Variants in CEP83 observed in about 807,000 individuals in gnomAD.
The protein encoded by CEP83 is centrosomal protein 83, also known as centrosomal protein of 83 kDa.
In CEP83, 70 loss-of-function variants were observed where a neutral mutation model predicts 101.9. The ratio of observed to expected loss-of-function variants is 0.69; its 90% confidence interval spans 0.57 to 0.84. CEP83 has a LOEUF of 0.84. Ranked by LOEUF, CEP83 falls within the 40% of genes least tolerant of loss-of-function variation. The pLI is 0.00. For synonymous variants in CEP83, 264 were observed against 267.9 expected, an observed-to-expected ratio of 0.99 and a Z score of 0.14; for missense variants, 715 against 787.2, an observed-to-expected ratio of 0.91 and a Z score of 1.10.
At chr12:94,411,244 AC>A (rs2137773476) in intron 4 of CEP83, among the ~76,000 whole-genome samples, 1 of 152,176 alleles carries the variant, frequency 6.6e-6, no homozygotes, top group Admixed American at 6.5e-5. Flanking sequence ...TGCTTTACAA[AC>A]CCATTTGTGT....
At chr12:94,356,278 A>G (rs1308227878) in intron 11 of CEP83, among the ~76,000 whole-genome samples, 1 of 152,230 alleles carries the variant, frequency 6.6e-6, no homozygotes, top group Non-Finnish European at 1.5e-5. Flanking sequence ...TCACACTGAT[A>G]ACAAGGAGGA....
At chr12:94,329,689 C>T (rs1351830708) in intron 14 of CEP83, among the ~76,000 whole-genome samples, 1 of 152,128 alleles carries the variant, frequency 6.6e-6, no homozygotes, top group Non-Finnish European at 1.5e-5. Context: ...AGGCTTCAAA[C>T]ACAGTGCAAA....
At chr12:94,333,947 A>T (rs763011886) in intron 12 of CEP83, among the ~76,000 whole-genome samples, 1 of 152,136 alleles carries the variant, frequency 6.6e-6, no homozygotes, top group Non-Finnish European at 1.5e-5. Flanking sequence ...GTGAGATGAG[A>T]AAAGGGAATC....
chr12:94,311,630 A>G (rs947488207), intron 15 of CEP83, among the ~76,000 whole-genome samples: 1 of 152,228 alleles, frequency 6.6e-6, no homozygotes, highest in African/African-American at 2.4e-5. Flanking sequence ...GGTGTCAGAA[A>G]TGTTGTGTTG....
intron 4 of CEP83, among the ~76,000 whole-genome samples, chr12:94,410,159 A>G (rs1343497434): frequency 6.6e-6 from 1 of 152,232 alleles, no homozygotes; most frequent in African/African-American, 2.4e-5. Flanking sequence ...CACGTCATTC[A>G]TTCAACAAAT....
At chr12:94,355,329 T>TAA (rs1177200429) in intron 11 of CEP83, among the ~76,000 whole-genome samples, 1 of 151,920 alleles carries the variant, frequency 6.6e-6, no homozygotes, top group Admixed American at 6.6e-5. Flanking sequence ...CCATCTCTAC[T>TAA]AAAAATACAA....
the CEP83 span, chr12:94,278,276 G>A: frequency 2.9e-6 from 1 of 349,728 alleles, no homozygotes; most frequent in Non-Finnish European, 5.7e-6. Flanking sequence ...TTACCAAGGT[G>A]CATTAGAATC....
rs34900007 is a variant in CEP83, at chr12:94,333,045, CA to C, written c.1577+436del. On this transcript the variant is annotated intron_variant, in intron 13 of 16. Coordinates refer to ENST00000397809, the MANE Select transcript of CEP83 (RefSeq NM_016122.3). ...GTCTACTAGTAACAAATTTTAAGAC[CA>C]AAAAAAAAAAAAAAAAAAACAAATA... is the stretch of plus-strand genomic sequence containing the variant. 5.6e-3 allele frequency among the ~76,000 whole-genome samples: 411 copies of C among 73,160 alleles called. 3 individuals carry two copies. The highest frequency in any genetic ancestry group is 0.024 in the Middle Eastern group (2 of 82). 48.0% of individuals were successfully genotyped at this position (73,160 alleles called of 152,430 possible).
intron 1 of CEP83, among the ~76,000 whole-genome samples, chr12:94,440,791 C>T (rs576834612): frequency 6.6e-6 from 1 of 152,202 alleles, no homozygotes; most frequent in South Asian, 2.1e-4. Flanking sequence ...TATACCAAGG[C>T]TATAGTTACC....
chr12:94,408,948 AC>A (rs1309135010), intron 4 of CEP83, among the ~76,000 whole-genome samples: 2 of 152,078 alleles, frequency 1.3e-5, no homozygotes, highest in African/African-American at 4.8e-5. Context: ...TATTATCATT[AC>A]CATTCACTAC....
chr12:94,291,972 A>G, the CEP83 span, among the ~76,000 whole-genome samples: 2 of 152,200 alleles, frequency 1.3e-5, no homozygotes, highest in Non-Finnish European at 2.9e-5. Context: ...TCATATCAAT[A>G]GGACCATACA....
At chr12:94,396,078 A>C (rs1271882593) in intron 6 of CEP83, among the ~76,000 whole-genome samples, 1 of 152,016 alleles carries the variant, frequency 6.6e-6, no homozygotes, top group East Asian at 1.9e-4. Context: ...ATTACCATTG[A>C]TTATTTCACT....
At chr12:94,296,408 G>A in the CEP83 span, among the ~76,000 whole-genome samples, 1 of 152,154 alleles carries the variant, frequency 6.6e-6, no homozygotes, top group African/African-American at 2.4e-5. Flanking sequence ...CAGTCCTCCT[G>A]CCTTGGCTTC....
chr12:94,432,861 A>C (rs1307608834), intron 2 of CEP83, among the ~76,000 whole-genome samples: 2 of 152,234 alleles, frequency 1.3e-5, no homozygotes, highest in Non-Finnish European at 2.9e-5. Flanking sequence ...TAAATATGTA[A>C]ACTATGTGCC....
chr12:94,265,757 G>C, the CEP83 span, among the ~76,000 whole-genome samples: 6 of 152,204 alleles, frequency 3.9e-5, no homozygotes, highest in African/African-American at 1.4e-4. Flanking sequence ...GATATTTTTA[G>C]AGGAACGCTG....
chr12:94,315,343 G>A (rs1970504063), intron 14 of CEP83, among the ~76,000 whole-genome samples: 1 of 152,082 alleles, frequency 6.6e-6, no homozygotes, highest in Non-Finnish European at 1.5e-5. Flanking sequence ...AAGGTATTGA[G>A]CATCTTTTTT....
chr12:94,426,578 G>A (rs1471378070), intron 2 of CEP83, among the ~76,000 whole-genome samples: 1 of 152,106 alleles, frequency 6.6e-6, no homozygotes, highest in South Asian at 2.1e-4. Context: ...TCCAAATTCA[G>A]AAACAGTCTT....
At chr12:94,305,478 G>A (rs891527483), downstream of CEP83, 127 of 518,682 alleles carry the variant, frequency 2.4e-4, 1 homozygote, top group Non-Finnish European at 7.9e-5. Context: ...TGTGTATACC[G>A]TGGGAACCCT....
chr12:94,308,995 T>C (rs1209095469), intron 16 of CEP83, 78 bp from the exon 17 acceptor site: 2 of 917,632 alleles, frequency 2.2e-6, no homozygotes, highest in East Asian at 4.9e-5. Context: ...ACTGCCTCTT[T>C]TATATATGCC....
Sources: gnomAD v4.1 joint callset for allele counts (sites outside exome capture counted in the v4.1 genomes callset) on GRCh38, gnomAD v4.1.1 for gene constraint, MANE v1.5 for transcripts, NCBI Gene and HGNC (gene_info 2026-07-23, HGNC 2026-07-21) for gene names.